Variants in KCTD16 observed in about 807,000 individuals in gnomAD.
KCTD16 encodes potassium channel tetramerization domain containing 16.
A neutral mutation model predicts 33.2 loss-of-function variants in KCTD16; 13 were observed. The ratio of observed to expected loss-of-function variants is 0.39; its 90% CI spans 0.25 to 0.62. The LOEUF (loss-of-function observed/expected upper bound fraction) is 0.62. KCTD16 is among the 20% of genes least tolerant of loss of function. The pLI is 0.50. For missense variants in KCTD16, 441 were observed against 525.1 expected, an observed-to-expected ratio of 0.84 and a Z score of 1.57; for synonymous variants, 197 against 195.3, an observed-to-expected ratio of 1.01 and a Z score of -0.07.
intron 3 of KCTD16, among the ~76,000 whole-genome samples, chr5:144,379,814 C>G (rs765709296): frequency 6.6e-6 from 1 of 152,078 alleles, no homozygotes; most frequent in East Asian, 1.9e-4. Context: ...ATATTTATCA[C>G]TGACTTGAGA....
intron 3 of KCTD16, among the ~76,000 whole-genome samples, chr5:144,324,346 A>G (rs1352201174): frequency 6.6e-6 from 1 of 152,162 alleles, no homozygotes; most frequent in Non-Finnish European, 1.5e-5. Flanking sequence ...AGAAGGCTTT[A>G]GTTTTTCAGA....
At chr5:144,466,143 T>C (rs1303106165) in intron 3 of KCTD16, among the ~76,000 whole-genome samples, 1 of 152,074 alleles carries the variant, frequency 6.6e-6, no homozygotes, top group African/African-American at 2.4e-5. Context: ...CGGCCATATG[T>C]TTTTTCTCTG....
chr5:144,321,938 G>T (rs890719862), intron 3 of KCTD16, among the ~76,000 whole-genome samples: 3 of 152,116 alleles, frequency 2.0e-5, no homozygotes, highest in Middle Eastern at 3.4e-3. Flanking sequence ...GGTAAAAATT[G>T]CATTTATTTA....
intron 2 of KCTD16, among the ~76,000 whole-genome samples, chr5:144,179,023 GA>G (rs1752565159): frequency 6.6e-6 from 1 of 152,152 alleles, no homozygotes; most frequent in Non-Finnish European, 1.5e-5. Context: ...CACATATTAA[GA>G]ATTAAAGAGA....
intron 3 of KCTD16, among the ~76,000 whole-genome samples, chr5:144,446,953 TTGG>T (rs1458085758): frequency 6.6e-6 from 1 of 152,118 alleles, no homozygotes; most frequent in Non-Finnish European, 1.5e-5. Context: ...TTTTACACTG[TTGG>T]TGGGAGTGTA....
chr5:144,360,848 G>A (rs1296610443), intron 3 of KCTD16, among the ~76,000 whole-genome samples: 3 of 152,000 alleles, frequency 2.0e-5, no homozygotes, highest in Non-Finnish European at 4.4e-5. Flanking sequence ...TGTGAACATG[G>A]CTGCAATAAA....
chr5:144,259,911 G>T (rs188454536), intron 3 of KCTD16, among the ~76,000 whole-genome samples: 26 of 152,212 alleles, frequency 1.7e-4, no homozygotes, highest in African/African-American at 5.5e-4. Flanking sequence ...GAATTTAATG[G>T]TTCAACCCCG....
chr5:144,482,434 G>A lies in KCTD16; in HGVS notation c.*8320G>A, dbSNP rs1167706350. The A allele has an allele frequency of 1.3e-5, 2 of 151,892 alleles. No homozygotes were observed. Among genetic ancestry groups the A allele is most frequent in the African/African-American group, 4.8e-5 (2 of 41,384 alleles). 9.4% of individuals were successfully genotyped at this position (151,892 alleles called of 1,614,324 possible). On this transcript the variant is annotated 3_prime_UTR_variant, in exon 4 of 4. Coordinates refer to ENST00000512467, the MANE Select transcript of KCTD16 (RefSeq NM_020768.4). ...GCAATTGCTTGCTGTGCTGCACACA[G>A]GTCACTAGGGCAAGCTTCAGGAGAA... is the stretch of plus-strand genomic sequence containing the variant.
chr5:144,326,070 AT>A (rs1441008430), intron 3 of KCTD16, among the ~76,000 whole-genome samples: 3 of 152,212 alleles, frequency 2.0e-5, no homozygotes, highest in Non-Finnish European at 2.9e-5. Context: ...ATTATGTAAA[AT>A]GTAAAATGTC....
At chr5:144,350,731 A>G (rs914535185) in intron 3 of KCTD16, among the ~76,000 whole-genome samples, 2 of 151,958 alleles carry the variant, frequency 1.3e-5, no homozygotes, top group African/African-American at 2.4e-5. Flanking sequence ...TAATAAGATT[A>G]TAATAATTCT....
chr5:144,438,056 T>TGG (rs1349538218), intron 3 of KCTD16, among the ~76,000 whole-genome samples: 3 of 152,230 alleles, frequency 2.0e-5, no homozygotes, highest in Non-Finnish European at 4.4e-5. Flanking sequence ...TGATTACGTG[T>TGG]GAAATGATTT....
At chr5:144,286,092 C>T (rs898549507) in intron 3 of KCTD16, among the ~76,000 whole-genome samples, 37 of 151,560 alleles carry the variant, frequency 2.4e-4, no homozygotes, top group South Asian at 2.1e-4. Flanking sequence ...GATCTGAAAC[C>T]GGGAGGTTTC....
intron 3 of KCTD16, among the ~76,000 whole-genome samples, chr5:144,255,474 A>G (rs1754819495): frequency 6.6e-6 from 1 of 152,108 alleles, no homozygotes; most frequent in African/African-American, 2.4e-5. Context: ...CAATTCTTCC[A>G]CATCCTTGCC....
intron 3 of KCTD16, among the ~76,000 whole-genome samples, chr5:144,208,977 G>A (rs1753280262): frequency 6.6e-6 from 1 of 152,160 alleles, no homozygotes; most frequent in Non-Finnish European, 1.5e-5. Flanking sequence ...TCCCACTAGT[G>A]TAGAGATAAG....
At chr5:144,465,071 CT>C (rs1754290913) in intron 3 of KCTD16, among the ~76,000 whole-genome samples, 1 of 151,924 alleles carries the variant, frequency 6.6e-6, no homozygotes, top group South Asian at 2.1e-4. Context: ...TAATTTTTAC[CT>C]CCCTTTGCTG....
At chr5:144,320,908 T>C (rs1382957696) in intron 3 of KCTD16, among the ~76,000 whole-genome samples, 1 of 152,128 alleles carries the variant, frequency 6.6e-6, no homozygotes, top group Non-Finnish European at 1.5e-5. Context: ...CAGGCTGGAG[T>C]GCAATGGCGT....
At chr5:144,441,536 A>G (rs957296015) in intron 3 of KCTD16, among the ~76,000 whole-genome samples, 6 of 152,116 alleles carry the variant, frequency 3.9e-5, no homozygotes, top group African/African-American at 1.4e-4. Flanking sequence ...ATTCTTATGC[A>G]TGTGGATATC....
chr5:144,307,562 T>G (rs1054961175), intron 3 of KCTD16, among the ~76,000 whole-genome samples: 3 of 152,224 alleles, frequency 2.0e-5, no homozygotes, highest in Non-Finnish European at 4.4e-5. Context: ...GTACTAAGGC[T>G]TGGTGGTTAA....
chr5:144,217,351 T>C (rs1753597011), intron 3 of KCTD16, among the ~76,000 whole-genome samples: 1 of 152,174 alleles, frequency 6.6e-6, no homozygotes, highest in African/African-American at 2.4e-5. Flanking sequence ...TTTCCTTAAA[T>C]AGAGGGATAT....
Sources: allele counts gnomAD v4.1 joint callset (sites outside exome capture counted in the v4.1 genomes callset), GRCh38; gene constraint gnomAD v4.1.1; transcripts MANE v1.5; gene names NCBI Gene and HGNC (gene_info 2026-07-23, HGNC 2026-07-21).